The following TSHZ3 variants were observed in gnomAD, a reference collection of about 807,000 sequenced individuals.
TSHZ3 encodes teashirt zinc finger homeobox 3, also known as teashirt homolog 3.
Under a neutral mutation model 64.5 loss-of-function variants are expected in TSHZ3, and 10 were observed. That is an observed-to-expected ratio of 0.16 (90% CI 0.10 to 0.26). The LOEUF (loss-of-function observed/expected upper bound fraction) is 0.26, where lower values mean the gene tolerates loss of function less well. TSHZ3 is among the 10% of genes least tolerant of loss of function. TSHZ3 has a pLI of 1.00. For synonymous variants in TSHZ3, 608 were observed against 593.1 expected, an observed-to-expected ratio of 1.03 and a Z score of -0.36; for missense variants, 1,242 against 1,421.7, an observed-to-expected ratio of 0.87 and a Z score of 2.03.
intron 1 of TSHZ3, among the ~76,000 whole-genome samples, chr19:31,337,722 C>CACACACAA (rs756932077): frequency 1.4e-5 from 2 of 141,182 alleles, no homozygotes; most frequent in Non-Finnish European, 3.1e-5. Context: ...TCAAAATAAA[C>CACACACAA]ACACACACAC....
At chr19:31,286,988 T>C (rs1268034231) in intron 1 of TSHZ3, among the ~76,000 whole-genome samples, 1 of 152,244 alleles carries the variant, frequency 6.6e-6, no homozygotes, top group Non-Finnish European at 1.5e-5. Flanking sequence ...ATATGTGTCA[T>C]ATAAATATAA....
chr19:31,269,831 C>T (rs1038487540), intron 1 of TSHZ3, among the ~76,000 whole-genome samples: 1 of 152,222 alleles, frequency 6.6e-6, no homozygotes, highest in Non-Finnish European at 1.5e-5. Flanking sequence ...CCCGCTGATG[C>T]CTGGGGCTTC....
intron 1 of TSHZ3, among the ~76,000 whole-genome samples, chr19:31,244,983 C>A (rs1975742022): frequency 1.3e-5 from 2 of 152,078 alleles, no homozygotes; most frequent in African/African-American, 4.8e-5. Flanking sequence ...TTGGAAAATG[C>A]TTACAATATA....
intron 3 of TSHZ3, among the ~76,000 whole-genome samples, chr19:31,229,057 A>T (rs1365156855): frequency 1.3e-5 from 2 of 152,188 alleles, no homozygotes; most frequent in Admixed American, 6.5e-5. Context: ...ATAGAAGAAG[A>T]TATGAGAAGG....
chr19:31,215,982 TATTAA>T (rs1465550290), intron 4 of TSHZ3, among the ~76,000 whole-genome samples: 4 of 151,234 alleles, frequency 2.6e-5, no homozygotes, highest in Non-Finnish European at 4.4e-5. Flanking sequence ...AAATATTAAA[TATTAA>T]ATTAAATTAA....
intron 1 of TSHZ3, among the ~76,000 whole-genome samples, chr19:31,348,133 C>A (rs760622753): frequency 5.9e-5 from 9 of 152,228 alleles, no homozygotes; most frequent in Non-Finnish European, 1.0e-4. Flanking sequence ...ATATGTGGTC[C>A]TCTCGGCAAT....
intron 5 of TSHZ3, among the ~76,000 whole-genome samples, chr19:31,179,953 G>C (rs1270700225): frequency 6.6e-6 from 1 of 150,736 alleles, no homozygotes; most frequent in Non-Finnish European, 1.5e-5. Context: ...AAGATAGGGA[G>C]GTAGAGATTC....
At chr19:31,308,747 C>T in intron 1 of TSHZ3, 1 of 398,614 alleles carries the variant, frequency 2.5e-6, no homozygotes. Flanking sequence ...CCGTCTAAGA[C>T]CCCTGCTGAA....
At chr19:31,317,351 C>T (rs1436260220) in intron 1 of TSHZ3, among the ~76,000 whole-genome samples, 2 of 152,196 alleles carry the variant, frequency 1.3e-5, no homozygotes, top group African/African-American at 2.4e-5. Flanking sequence ...GCAGCCACAT[C>T]GGGACGATGG....
At chr19:31,235,536 G>A (rs1043539392) in intron 3 of TSHZ3, among the ~76,000 whole-genome samples, 3 of 151,770 alleles carry the variant, frequency 2.0e-5, no homozygotes, top group African/African-American at 7.3e-5. Flanking sequence ...TTCCTCCAAT[G>A]TGTGTATGTG....
chr19:31,349,453 G>C (rs1305248442), upstream of TSHZ3: 1 of 394,342 alleles, frequency 2.5e-6, no homozygotes, highest in Non-Finnish European at 4.4e-6. Flanking sequence ...GGGCGAGGGA[G>C]GCTCGGGGAG....
intron 1 of TSHZ3, among the ~76,000 whole-genome samples, chr19:31,320,583 G>T: frequency 6.6e-6 from 1 of 152,246 alleles, no homozygotes; most frequent in Non-Finnish European, 1.5e-5. Context: ...TGTCCTTCTC[G>T]GGAGAAGGGA....
downstream of TSHZ3, among the ~76,000 whole-genome samples, chr19:31,272,077 A>AT (rs1172129252): frequency 6.6e-6 from 1 of 152,112 alleles, no homozygotes; most frequent in Non-Finnish European, 1.5e-5. Context: ...ATTTAAAAAA[A>AT]TTTTTTTTAT....
chr19:31,320,930 G>A (rs927641039), intron 1 of TSHZ3, among the ~76,000 whole-genome samples: 12 of 152,140 alleles, frequency 7.9e-5, no homozygotes, highest in African/African-American at 2.4e-4. Context: ...CCTTCCCTAC[G>A]GGTCCTGCTG....
At chr19:31,326,821 G>A (rs1401681255) in intron 1 of TSHZ3, among the ~76,000 whole-genome samples, 1 of 152,220 alleles carries the variant, frequency 6.6e-6, no homozygotes, top group Non-Finnish European at 1.5e-5. Flanking sequence ...CTCCCTTACT[G>A]TAAACATTTG....
chr19:31,156,695 G>C (rs2145098544), intron 5 of TSHZ3, among the ~76,000 whole-genome samples: 1 of 152,254 alleles, frequency 6.6e-6, no homozygotes, highest in East Asian at 1.9e-4. Context: ...TCAAAGCCAA[G>C]TGGTTCATGG....
chr19:31,204,757 T>C (rs1266491498), intron 5 of TSHZ3: 1 of 152,246 alleles, frequency 6.6e-6, no homozygotes, highest in Non-Finnish European at 1.5e-5. Context: ...CATGGAAACC[T>C]TGTTCCACAC....
intron 5 of TSHZ3, among the ~76,000 whole-genome samples, chr19:31,174,990 C>T (rs1974587639): frequency 6.6e-6 from 1 of 152,180 alleles, no homozygotes. Context: ...GACTTGGGTC[C>T]CACACAGCAA....
intron 1 of TSHZ3, among the ~76,000 whole-genome samples, chr19:31,346,903 C>G (rs1599663896): frequency 1.3e-5 from 2 of 151,816 alleles, no homozygotes; most frequent in South Asian, 2.1e-4. Context: ...CCTCCACCCC[C>G]TCCTCCACAT....
Sources: gnomAD v4.1 joint callset for allele counts (sites outside exome capture counted in the v4.1 genomes callset) on GRCh38, gnomAD v4.1.1 for gene constraint, MANE v1.5 for transcripts, NCBI Gene and HGNC (gene_info 2026-07-23, HGNC 2026-07-21) for gene names.